The following XKR6 variants were observed in gnomAD, a reference collection of about 807,000 sequenced individuals.
XKR6 encodes the protein XK related 6, also known as XK-related protein 6.
A neutral mutation model predicts 56.7 loss-of-function variants in XKR6; 22 were observed. The ratio of observed to expected loss-of-function variants is 0.39; its 90% confidence interval spans 0.28 to 0.55. The LOEUF (loss-of-function observed/expected upper bound fraction) is 0.55, where lower values mean the gene tolerates loss of function less well. Ranked by LOEUF, XKR6 falls within the 20% of genes least tolerant of loss-of-function variation. The pLI, the probability that XKR6 is intolerant of heterozygous loss-of-function variation, is 0.66. For synonymous variants in XKR6, 524 were observed against 387.8 expected (o/e 1.35, Z -4.13); for missense variants, 852 against 889.0 (o/e 0.96, Z 0.53).
At chr8:11,147,473 T>A (rs772291456) in intron 1 of XKR6, among the ~76,000 whole-genome samples, 1 of 151,704 alleles carries the variant, frequency 6.6e-6, no homozygotes, top group East Asian at 2.0e-4. Context: ...CTGGCCAACA[T>A]GGTGAAACCC....
intron 2 of XKR6, among the ~76,000 whole-genome samples, chr8:10,913,112 T>C (rs1025366719): frequency 6.6e-6 from 1 of 151,180 alleles, no homozygotes; most frequent in Non-Finnish European, 1.5e-5. Flanking sequence ...AGTATATATA[T>C]AGAGGGTGTG....
At chr8:11,102,387 T>C (rs940601598) in intron 1 of XKR6, among the ~76,000 whole-genome samples, 7 of 152,138 alleles carry the variant, frequency 4.6e-5, no homozygotes, top group African/African-American at 1.2e-4. Flanking sequence ...GCATCATCAA[T>C]GTGCAAAAAT....
At chr8:11,006,873 A>T (rs760011631) in intron 1 of XKR6, among the ~76,000 whole-genome samples, 5 of 152,184 alleles carry the variant, frequency 3.3e-5, no homozygotes, top group Non-Finnish European at 7.4e-5. Context: ...GCCCATCTCT[A>T]TTCTAGCTGC....
intron 1 of XKR6, among the ~76,000 whole-genome samples, chr8:11,051,171 T>C (rs1799535580): frequency 6.6e-6 from 1 of 152,070 alleles, no homozygotes; most frequent in Non-Finnish European, 1.5e-5. Context: ...CCCCATCTGC[T>C]AGACTCCTTT....
intron 1 of XKR6, among the ~76,000 whole-genome samples, chr8:11,192,592 G>C (rs949556656): frequency 6.6e-6 from 1 of 152,086 alleles, no homozygotes; most frequent in Non-Finnish European, 1.5e-5. Context: ...TCCAGCCTGG[G>C]AAACAGAGTG....
Position 11,089,409 on chromosome 8 carries a change from T to C in XKR6, c.764+111167A>G, listed in dbSNP as rs545267807. Among the ~76,000 whole-genome samples the C allele has an allele frequency of 1.6e-3, 241 of 152,176 alleles. 1 individual carries two copies. The highest frequency in any genetic ancestry group is 2.9e-3 in the Non-Finnish European group (195 of 68,010). On this transcript the variant is annotated intron_variant, in intron 1 of 2. Coordinates refer to ENST00000416569, the MANE Select transcript of XKR6 (RefSeq NM_173683.4). ...GTTTTAGTAGGCCGAAATGGGAGTA[T>C]TGCTTGAGCCTAGGCGTTTGAGACC...
At chr8:10,984,163 C>A (rs370444864) in intron 1 of XKR6, among the ~76,000 whole-genome samples, 159 of 152,186 alleles carry the variant, frequency 1.0e-3, no homozygotes, top group South Asian at 4.4e-3. Flanking sequence ...TATTAGAAAA[C>A]CTATTACCAT....
intron 1 of XKR6, among the ~76,000 whole-genome samples, chr8:10,950,374 C>T (rs1027059310): frequency 1.3e-5 from 2 of 152,206 alleles, no homozygotes; most frequent in Admixed American, 1.3e-4. Context: ...CTGCTAGAAG[C>T]AGTGCACACC....
chr8:11,103,196 G>C (rs1377341401), intron 1 of XKR6, among the ~76,000 whole-genome samples: 1 of 152,126 alleles, frequency 6.6e-6, no homozygotes, highest in Non-Finnish European at 1.5e-5. Context: ...ATAAAATCCA[G>C]GGAGAAGACA....
chr8:10,989,267 G>A (rs1563330948), intron 1 of XKR6, among the ~76,000 whole-genome samples: 1 of 152,194 alleles, frequency 6.6e-6, no homozygotes, highest in Non-Finnish European at 1.5e-5. Context: ...AATGAAGGCT[G>A]ACAGAATTTT....
At chr8:11,094,927 G>C (rs1186059795) in intron 1 of XKR6, among the ~76,000 whole-genome samples, 5 of 152,124 alleles carry the variant, frequency 3.3e-5, no homozygotes, top group Admixed American at 2.6e-4. Flanking sequence ...GCAGCTAGTG[G>C]GTGCTGAGCT....
chr8:11,142,248 T>G (rs1049248223), intron 1 of XKR6, among the ~76,000 whole-genome samples: 4 of 152,142 alleles, frequency 2.6e-5, no homozygotes, highest in African/African-American at 9.7e-5. Flanking sequence ...AACTAGGACT[T>G]CTTTGAAAAT....
chr8:11,127,098 T>A (rs1474292295), intron 1 of XKR6, among the ~76,000 whole-genome samples: 3 of 152,158 alleles, frequency 2.0e-5, no homozygotes, highest in African/African-American at 4.8e-5. Flanking sequence ...GTACTCTAGG[T>A]GGTACATTGG....
At chr8:11,191,201 G>A (rs1471221839) in intron 1 of XKR6, among the ~76,000 whole-genome samples, 1 of 152,178 alleles carries the variant, frequency 6.6e-6, no homozygotes, top group Non-Finnish European at 1.5e-5. Flanking sequence ...TAGGACAGCA[G>A]TGGCTATCAA....
At chr8:11,152,010 T>C (rs370887274) in intron 1 of XKR6, among the ~76,000 whole-genome samples, 1 of 152,146 alleles carries the variant, frequency 6.6e-6, no homozygotes. Flanking sequence ...AGGCAAACAA[T>C]AGTAATCACC....
At chr8:11,098,258 GCA>G (rs1359151856) in intron 1 of XKR6, among the ~76,000 whole-genome samples, 1 of 151,690 alleles carries the variant, frequency 6.6e-6, no homozygotes, top group African/African-American at 2.4e-5. Flanking sequence ...ACACACGCAT[GCA>G]CACACACATG....
intron 1 of XKR6, among the ~76,000 whole-genome samples, chr8:11,151,584 A>T (rs772622634): frequency 1.3e-5 from 2 of 152,216 alleles, no homozygotes; most frequent in Non-Finnish European, 2.9e-5. Context: ...CGCAGCACTG[A>T]TAGCAGAAGC....
intron 1 of XKR6, among the ~76,000 whole-genome samples, chr8:10,938,651 G>A (rs771307529): frequency 2.6e-5 from 4 of 152,194 alleles, no homozygotes; most frequent in Non-Finnish European, 4.4e-5. Context: ...CAAGGCCAGA[G>A]GGATGGAGAA....
chr8:10,957,486 C>G (rs1801925647), intron 1 of XKR6, among the ~76,000 whole-genome samples: 1 of 152,168 alleles, frequency 6.6e-6, no homozygotes, highest in Non-Finnish European at 1.5e-5. Flanking sequence ...CCACCTGCTC[C>G]CTCAGCAATG....
Sources: gnomAD v4.1 joint callset for allele counts (sites outside exome capture counted in the v4.1 genomes callset) on GRCh38, gnomAD v4.1.1 for gene constraint, MANE v1.5 for transcripts, NCBI Gene and HGNC (gene_info 2026-07-23, HGNC 2026-07-21) for gene names.